Variants in ZNF860 observed in about 807,000 individuals in gnomAD.
ZNF860 encodes the protein zinc finger protein 860.
For missense variants in ZNF860, 641 were observed against 759.2 expected (o/e 0.84, Z 1.83); for synonymous variants, 206 against 248.9 (o/e 0.83, Z 1.62).
chr3:32,004,422 C>G, the ZNF860 span, among the ~76,000 whole-genome samples: 2 of 152,196 alleles, frequency 1.3e-5, no homozygotes, highest in African/African-American at 4.8e-5. Context: ...ACCTGACTCC[C>G]TTGCCCAGAT....
the ZNF860 span, among the ~76,000 whole-genome samples, chr3:32,001,536 T>C: frequency 1.3e-5 from 2 of 152,188 alleles, no homozygotes; most frequent in African/African-American, 2.4e-5. Context: ...CATTAATTAA[T>C]AGGGAAACCA....
intron 1 of ZNF860, among the ~76,000 whole-genome samples, chr3:31,984,131 G>A (rs910837717): frequency 6.6e-5 from 10 of 152,036 alleles, no homozygotes; most frequent in African/African-American, 2.2e-4. Context: ...CCTGCCTCCC[G>A]GGTTCACGTC....
At chr3:31,994,222 G>A (rs113883072), downstream of ZNF860, among the ~76,000 whole-genome samples, 1,404 of 152,308 alleles carry the variant, frequency 9.2e-3, 25 homozygotes, top group African/African-American at 0.032. Flanking sequence ...AGAGTTAAGA[G>A]TGGAGCAAGT....
chr3:32,000,027 A>AAGAT, the ZNF860 span, among the ~76,000 whole-genome samples: 14 of 152,258 alleles, frequency 9.2e-5, no homozygotes, highest in South Asian at 2.9e-3. Flanking sequence ...CTTTGCCACA[A>AAGAT]AGATAACCAA....
chr3:31,983,514 G>A (rs146395269), intron 1 of ZNF860, among the ~76,000 whole-genome samples: 134 of 152,314 alleles, frequency 8.8e-4, no homozygotes, highest in African/African-American at 3.1e-3. Context: ...AATAGTCAAG[G>A]CCAGGATGGG....
At chr3:31,985,354 A>G (rs1698919752) in intron 1 of ZNF860, among the ~76,000 whole-genome samples, 2 of 152,270 alleles carry the variant, frequency 1.3e-5, no homozygotes, top group Admixed American at 6.5e-5. Flanking sequence ...AAACGTAAAT[A>G]GAATGACTGG....
At chr3:31,994,139 A>G (rs1235552406), downstream of ZNF860, among the ~76,000 whole-genome samples, 3 of 152,370 alleles carry the variant, frequency 2.0e-5, no homozygotes, top group East Asian at 3.9e-4. Context: ...ACCACACACT[A>G]TATGATTTTC....
downstream of ZNF860, among the ~76,000 whole-genome samples, chr3:31,994,721 A>G (rs997187094): frequency 6.6e-6 from 1 of 152,214 alleles, no homozygotes; most frequent in Admixed American, 6.5e-5. Flanking sequence ...AACACCAGAT[A>G]TGTTACTGCC....
the ZNF860 span, among the ~76,000 whole-genome samples, chr3:32,002,333 C>T: frequency 1.3e-5 from 2 of 152,138 alleles, no homozygotes; most frequent in African/African-American, 4.8e-5. Context: ...GACCACACAC[C>T]AGGAGAACCA....
In ZNF860 at chr3:31,989,196, A is replaced by G; in HGVS notation, c.117A>G (p.Lys39=). 6.2e-7 allele frequency: 1 copy of G among 1,614,160 alleles called. No individual in the cohort carries two copies. Among genetic ancestry groups the G allele is most frequent in the Non-Finnish European group, 8.5e-7 (1 of 1,180,026 alleles). ...TAGAATTCTCTTTGGAGGAGTGGAA[A>G]TGCCTGGACCCTACGCAGAGGGCTT... ...VAIEFSLEEW[K]CLDPTQRALY... The change falls in exon 2 of 2, where the codon AAA becomes AAG. Residue 39 remains lysine (K), a synonymous_variant. Transcript: ENST00000360311.
At chr3:31,997,405 C>G in the ZNF860 span, among the ~76,000 whole-genome samples, 3 of 151,824 alleles carry the variant, frequency 2.0e-5, no homozygotes, top group East Asian at 5.9e-4. Flanking sequence ...ACTGGGATTA[C>G]AAGCACGAGC....
At chr3:31,995,802 T>C (rs7634837), downstream of ZNF860, among the ~76,000 whole-genome samples, 54,055 of 152,038 alleles carry the variant, frequency 0.36, 13,273 homozygotes, top group African/African-American at 0.69. Context: ...TGACTTCCCG[T>C]GACACCCCAG....
intron 1 of ZNF860, among the ~76,000 whole-genome samples, chr3:31,985,913 C>G (rs1202550258): frequency 2.6e-5 from 4 of 152,162 alleles, no homozygotes; most frequent in Non-Finnish European, 5.9e-5. Context: ...GCAGAGGAAA[C>G]TGAATTGAAG....
At chr3:31,986,648 C>T (rs1241528709) in intron 1 of ZNF860, among the ~76,000 whole-genome samples, 1 of 151,986 alleles carries the variant, frequency 6.6e-6, no homozygotes, top group Non-Finnish European at 1.5e-5. Context: ...AAAATAGGCG[C>T]CTGGCCTATT....
At position 31,990,387 on chromosome 3, in the gene ZNF860, A is replaced by G; in HGVS notation, c.1308A>G (p.Arg436=). ...GTAATAAATGTGGCAAATTTTTTAG[A>G]CGTCGTTCATATCTCGTAGTTCATT... The part of the protein sequence containing the change: ...YKCNKCGKFF[R]RRSYLVVHWR... Residue 436 remains arginine (R), a synonymous_variant, in exon 2 of 2, where the codon AGA becomes AGG. Transcript: ENST00000360311. 2 of 1,613,948 alleles carry G rather than the reference A, an allele frequency of 1.2e-6. No individual in the cohort carries two copies. Among genetic ancestry groups the G allele is most frequent in the Non-Finnish European group, 1.7e-6 (2 of 1,179,916 alleles).
At chr3:31,993,639 A>G (rs925795410), downstream of ZNF860, among the ~76,000 whole-genome samples, 3 of 152,026 alleles carry the variant, frequency 2.0e-5, no homozygotes, top group South Asian at 2.1e-4. Context: ...TAAAACTACA[A>G]TGAGATACTA....
downstream of ZNF860, among the ~76,000 whole-genome samples, chr3:31,995,027 AG>A (rs1559545898): frequency 6.6e-6 from 1 of 152,230 alleles, no homozygotes; most frequent in Non-Finnish European, 1.5e-5. Context: ...GTATATGAAT[AG>A]GGAGTAGGTC....
the ZNF860 span, among the ~76,000 whole-genome samples, chr3:32,003,399 G>A: frequency 2.0e-5 from 3 of 152,206 alleles, no homozygotes; most frequent in Non-Finnish European, 4.4e-5. Flanking sequence ...TTGCAAAGCT[G>A]ATCCCTGTGT....
chr3:32,002,718 A>T, the ZNF860 span, among the ~76,000 whole-genome samples: 2 of 152,248 alleles, frequency 1.3e-5, no homozygotes, highest in African/African-American at 4.8e-5. Flanking sequence ...AAGGTTTCTC[A>T]GTGAGTCAGA....
Sources: gnomAD v4.1 joint callset for allele counts (sites outside exome capture counted in the v4.1 genomes callset) on GRCh38, gnomAD v4.1.1 for gene constraint, MANE v1.5 for transcripts, NCBI Gene and HGNC (gene_info 2026-07-23, HGNC 2026-07-21) for gene names.